Variants in NBN observed in about 807,000 individuals in gnomAD.
NBN encodes nibrin, also known as Nijmegen breakage syndrome 1 (nibrin).
Under a neutral mutation model 90.8 loss-of-function variants are expected in NBN, and 88 were observed. The ratio of observed to expected loss-of-function variants is 0.97; its 90% CI spans 0.82 to 1.16. NBN has a LOEUF of 1.16. Among genes scored for constraint, NBN ranks in the 50% most tolerant of loss-of-function variants. The pLI, the probability that NBN is intolerant of heterozygous loss-of-function variation, is 0.00. For missense variants in NBN, 894 were observed against 869.6 expected (o/e 1.03, Z -0.35); for synonymous variants, 328 against 295.1 (o/e 1.11, Z -1.14).
chr8:89,982,957 A>T, intron 1 of NBN, 102 bp from the exon 2 acceptor site: 1 of 1,226,642 alleles, frequency 8.2e-7, no homozygotes, highest in Non-Finnish European at 1.2e-6. Context: ...GGTATGACAA[A>T]TATTAAATAA....
chr8:89,975,551 G>A (rs578222930), intron 5 of NBN, among the ~76,000 whole-genome samples: 4 of 152,172 alleles, frequency 2.6e-5, no homozygotes, highest in South Asian at 2.1e-4. Flanking sequence ...TGCCATCATC[G>A]AATATGGGTT....
At chr8:89,963,005 C>G (rs1811067631) in intron 8 of NBN, among the ~76,000 whole-genome samples, 1 of 152,166 alleles carries the variant, frequency 6.6e-6, no homozygotes, top group Non-Finnish European at 1.5e-5. Context: ...TCCGTCAGTT[C>G]CCTCATCTAC....
Position 89,960,838 on chromosome 8 carries a change from CAA to C in NBN, c.995-1986_995-1985del, listed in dbSNP as rs1368897199. On this transcript the variant is annotated intron_variant, in intron 8 of 15. Coordinates refer to ENST00000265433, the MANE Select transcript of NBN (RefSeq NM_002485.5). ...TGTTCAATAAGTATTTGTTGAATAA[CAA>C]AAGAGTGAATATAAAAACAAAGGAA... Among the ~76,000 whole-genome samples the C allele has an allele frequency of 3.3e-5, 5 of 152,030 alleles. No individual in the cohort carries two copies. In the East Asian group the frequency reaches 9.7e-4, roughly 29 times the overall value.
intron 1 of NBN, 54 bp downstream of exon 1, chr8:89,984,471 C>G (rs1326306041): frequency 2.6e-6 from 4 of 1,548,964 alleles, no homozygotes; most frequent in Admixed American, 1.7e-5. Flanking sequence ...AGGCCCTCCC[C>G]CGAGGCAGTC....
At chr8:89,965,498 T>C (rs945413742) in intron 7 of NBN, among the ~76,000 whole-genome samples, 1 of 152,068 alleles carries the variant, frequency 6.6e-6, no homozygotes, top group Non-Finnish European at 1.5e-5. Flanking sequence ...GATTTTTTTT[T>C]TTTTTTCTGA....
At chr8:89,959,307 C>A (rs940606910) in intron 8 of NBN, among the ~76,000 whole-genome samples, 1 of 152,198 alleles carries the variant, frequency 6.6e-6, no homozygotes, top group African/African-American at 2.4e-5. Context: ...CTTCTGGCTA[C>A]TCCAGAAAAC....
chr8:89,943,801 G>A (rs1379216225), intron 13 of NBN, among the ~76,000 whole-genome samples: 1 of 152,018 alleles, frequency 6.6e-6, no homozygotes, highest in Non-Finnish European at 1.5e-5. Flanking sequence ...CAGAGTCCAA[G>A]CAGGAGATGT....
At position 89,943,497 on chromosome 8, in the gene NBN, A is replaced by C. The variant is rs1212358145; in HGVS notation, c.2071-131T>G. On this transcript the variant is annotated intron_variant, in intron 13 of 15. Transcript: ENST00000265433. ...AAGATGTTTATATTCTACAAATAAA[A>C]GTGAGAGCAGTAACTCTGTTCTAAA... is the stretch of plus-strand genomic sequence containing the variant. 5.4e-6 allele frequency: 5 copies of C among 929,038 alleles called. No individual in the cohort carries two copies. The Admixed American group carries it at 1.0e-4, about 19-fold the overall frequency. The allele number at this position is 929,038 out of a possible 1,614,324, so 57.5% of individuals were successfully genotyped here.
Position 89,963,073 on chromosome 8 carries a change from T to C in NBN, c.994+1337A>G, listed in dbSNP as rs34286018. 9.2e-3 allele frequency among the ~76,000 whole-genome samples: 1,400 copies of C among 152,260 alleles called. 8 individuals are homozygous for C. Among genetic ancestry groups the C allele is most frequent in the Admixed American group, 0.011 (170 of 15,286 alleles). On this transcript the variant is annotated intron_variant, in intron 8 of 15. Transcript: ENST00000265433. ...TAAGGACTGTTTTGCAGATTAAAGT[T>C]TGATGATGGTAAAGTGCTTACTCTA... is the stretch of plus-strand genomic sequence containing the variant.
At chr8:89,939,945 G>C (rs1392186589) in intron 14 of NBN, among the ~76,000 whole-genome samples, 1 of 152,156 alleles carries the variant, frequency 6.6e-6, no homozygotes, top group African/African-American at 2.4e-5. Context: ...CACAGCTCCA[G>C]CTGAGCCTTT....
At chr8:89,947,939 G>T (rs1810274469) in intron 11 of NBN, 47 bp from the exon 12 acceptor site, 12 of 1,165,786 alleles carry the variant, frequency 1.0e-5, no homozygotes, top group Non-Finnish European at 1.5e-5. Context: ...TAATAAAATG[G>T]TATGTTTCTA....
At chr8:89,977,814 G>C (rs1811836738) in intron 5 of NBN, among the ~76,000 whole-genome samples, 1 of 152,148 alleles carries the variant, frequency 6.6e-6, no homozygotes, top group Non-Finnish European at 1.5e-5. Flanking sequence ...GAAAAACTAA[G>C]CTCCATTCCC....
At chr8:89,962,618 G>A (rs1047499070) in intron 8 of NBN, among the ~76,000 whole-genome samples, 2 of 152,110 alleles carry the variant, frequency 1.3e-5, no homozygotes, top group South Asian at 2.1e-4. Context: ...TGGGAATTTG[G>A]TGAAAATATT....
chr8:89,966,107 C>T (rs1215478122), intron 7 of NBN, among the ~76,000 whole-genome samples: 1 of 152,086 alleles, frequency 6.6e-6, no homozygotes, highest in Non-Finnish European at 1.5e-5. Flanking sequence ...AATTACATCA[C>T]CCTTAATGGA....
chr8:89,962,992 C>T, intron 8 of NBN, among the ~76,000 whole-genome samples: 1 of 152,140 alleles, frequency 6.6e-6, no homozygotes, highest in South Asian at 2.1e-4. Context: ...AATTTCCTCT[C>T]TGTCCGTCAG....
chr8:89,954,979 G>A lies in NBN; in HGVS notation c.1397+304C>T, dbSNP rs13312925. Among the ~76,000 whole-genome samples the A allele has an allele frequency of 0.028, 4,320 of 152,128 alleles. 183 individuals carry two copies. The highest frequency in any genetic ancestry group is 0.096 in the African/African-American group (3,989 of 41,510). ...ATATGGTCCTAGAGGGAGTGAGAGC[G>A]GTTCTCAAGGAAAACCAGCAGAAAT... On this transcript the variant is annotated intron_variant, in intron 10 of 15. Transcript: ENST00000265433.
At chr8:89,977,216 C>T (rs865872583) in intron 5 of NBN, among the ~76,000 whole-genome samples, 3 of 152,158 alleles carry the variant, frequency 2.0e-5, no homozygotes, top group Non-Finnish European at 4.4e-5. Context: ...GCTCTCCCTC[C>T]CCTTGTCCCC....
intron 14 of NBN, among the ~76,000 whole-genome samples, chr8:89,941,878 ACTTTC>A (rs1476068328): frequency 6.6e-6 from 1 of 152,212 alleles, no homozygotes; most frequent in Non-Finnish European, 1.5e-5. Flanking sequence ...TTCATAAGTG[ACTTTC>A]CTAAATAACC....
In NBN at chr8:89,970,369, G is replaced by A. The variant is rs1554563793; in HGVS notation, c.891C>T (p.Leu297=). The change falls in exon 7 of 16, where the codon CTC becomes CTT. Residue 297 remains leucine (L), a synonymous_variant. Coordinates refer to ENST00000265433, the MANE Select transcript of NBN (RefSeq NM_002485.5). Reference sequence around the variant, plus strand: ...AATAAAGAATAATTCTATACCTTTGGAGCATATCCATTATTGACTGAATCC... The same window carrying A: ...AATAAAGAATAATTCTATACCTTTGAAGCATATCCATTATTGACTGAATCC... The part of the protein sequence containing the change: ...KKWIQSIMDM[L]QRQGLRPIPE... 6.2e-7 allele frequency: 1 copy of A among 1,606,026 alleles called. No individual in the cohort carries two copies. Among genetic ancestry groups the A allele is most frequent in the Non-Finnish European group, 8.5e-7 (1 of 1,172,954 alleles).
Sources: allele counts gnomAD v4.1 joint callset (sites outside exome capture counted in the v4.1 genomes callset), GRCh38; gene constraint gnomAD v4.1.1; transcripts MANE v1.5; gene names NCBI Gene and HGNC (gene_info 2026-07-23, HGNC 2026-07-21).